SRGAP1: variants seen among roughly 807,000 people sequenced by gnomAD.
SRGAP1 encodes SLIT-ROBO Rho GTPase activating protein 1.
Under a neutral mutation model 121.9 loss-of-function variants are expected in SRGAP1, and 43 were observed. The observed-to-expected ratio is 0.35, with a 90% CI of 0.28 to 0.46. The LOEUF is 0.46. Ranked by LOEUF, SRGAP1 falls within the 20% of genes least tolerant of loss-of-function variation. SRGAP1 has a pLI of 1.00. For missense variants in SRGAP1, 1,102 were observed against 1,350.9 expected, an observed-to-expected ratio of 0.82 and a Z score of 2.89; for synonymous variants, 447 against 485.4, an observed-to-expected ratio of 0.92 and a Z score of 1.04.
chr12:63,846,288 A>T (rs1454091776), intron 1 of SRGAP1, among the ~76,000 whole-genome samples: 1 of 152,156 alleles, frequency 6.6e-6, no homozygotes, highest in Non-Finnish European at 1.5e-5. Context: ...AATGAGACTA[A>T]CCTTTCTTTT....
chr12:63,937,127 A>G (rs1362916277), intron 1 of SRGAP1, among the ~76,000 whole-genome samples: 2 of 152,202 alleles, frequency 1.3e-5, no homozygotes, highest in African/African-American at 2.4e-5. Context: ...CATTTGGCAC[A>G]TGAATCTCAT....
intron 4 of SRGAP1, among the ~76,000 whole-genome samples, chr12:64,018,589 A>G (rs967360423): frequency 6.6e-6 from 1 of 152,180 alleles, no homozygotes; most frequent in African/African-American, 2.4e-5. Context: ...TGAACTTTCT[A>G]GTTTTTTACT....
At chr12:63,858,722 T>C (rs1398609025) in intron 1 of SRGAP1, among the ~76,000 whole-genome samples, 2 of 152,236 alleles carry the variant, frequency 1.3e-5, no homozygotes, top group African/African-American at 4.8e-5. Flanking sequence ...TTTCTTTTTT[T>C]GAGATGGAGT....
At chr12:63,969,300 A>G (rs2032871264) in intron 1 of SRGAP1, among the ~76,000 whole-genome samples, 1 of 151,966 alleles carries the variant, frequency 6.6e-6, no homozygotes, top group Non-Finnish European at 1.5e-5. Context: ...TTACATATTC[A>G]TGACTGATTT....
chr12:64,061,417 A>G (rs2035448114), intron 6 of SRGAP1, among the ~76,000 whole-genome samples: 2 of 152,220 alleles, frequency 1.3e-5, no homozygotes, highest in African/African-American at 2.4e-5. Flanking sequence ...TGTATTTGCA[A>G]CCTACACAGA....
intron 15 of SRGAP1, among the ~76,000 whole-genome samples, chr12:64,105,858 A>G (rs2036336808): frequency 6.6e-6 from 1 of 152,228 alleles, no homozygotes; most frequent in South Asian, 2.1e-4. Flanking sequence ...TAGCCTCCAG[A>G]GTGACTTGCT....
At chr12:63,960,893 A>C (rs779878207) in intron 1 of SRGAP1, among the ~76,000 whole-genome samples, 20 of 152,316 alleles carry the variant, frequency 1.3e-4, no homozygotes, top group Middle Eastern at 3.4e-3. Flanking sequence ...AACAGCCTCC[A>C]GAAGTCGCTA....
chr12:64,014,129 T>C (rs1184847234), intron 3 of SRGAP1, among the ~76,000 whole-genome samples: 3 of 152,216 alleles, frequency 2.0e-5, no homozygotes, highest in Non-Finnish European at 2.9e-5. Flanking sequence ...CCTTATGAGA[T>C]AAGTACAATG....
intron 21 of SRGAP1, among the ~76,000 whole-genome samples, chr12:64,134,639 C>T (rs1190694928): frequency 6.6e-6 from 1 of 152,040 alleles, no homozygotes; most frequent in Non-Finnish European, 1.5e-5. Context: ...TCTTTCAATC[C>T]ATATTTCAGT....
intron 6 of SRGAP1, among the ~76,000 whole-genome samples, chr12:64,044,622 A>T (rs150809303): frequency 2.0e-3 from 298 of 148,218 alleles, no homozygotes; most frequent in African/African-American, 6.5e-3. Context: ...TCTACAAAAG[A>T]ATTGTTGAGG....
At position 64,160,807 on chromosome 12, in the gene SRGAP1, G is replaced by A. The variant is rs568918580; in HGVS notation, c.*18135G>A. The A allele has an allele frequency of 6.6e-6, 1 of 152,170 alleles. No homozygotes were observed. Among genetic ancestry groups the A allele is most frequent in the African/African-American group, 2.4e-5 (1 of 41,442 alleles). The allele number at this position is 152,170 out of a possible 1,614,324, so 9.4% of individuals were successfully genotyped here. On this transcript the variant is annotated 3_prime_UTR_variant, in exon 22 of 22. Coordinates refer to ENST00000355086, the MANE Select transcript of SRGAP1 (RefSeq NM_020762.4). ...AAACAGCATGAAAAGGCAGAGCCAA[G>A]GAGAGATCGACAAACAAGAAGGATT... is the stretch of plus-strand genomic sequence containing the variant.
At position 64,030,835 on chromosome 12, in the gene SRGAP1, G is replaced by T. The variant is rs75847767; in HGVS notation, c.490-11955G>T. On this transcript the variant is annotated intron_variant, in intron 4 of 21. Coordinates refer to ENST00000355086, the MANE Select transcript of SRGAP1 (RefSeq NM_020762.4). ...GTGCTAGACAGACTATAGGGGCATTGTTCATTTCTAGATATAATTTCTGTT... is the reference window on the plus strand; with the variant it reads ...GTGCTAGACAGACTATAGGGGCATTTTTCATTTCTAGATATAATTTCTGTT... 5.4e-4 allele frequency among the ~76,000 whole-genome samples: 82 copies of T among 152,284 alleles called. 1 individual carries two copies. The East Asian group carries it at 0.014, about 27-fold the overall frequency.
intron 1 of SRGAP1, among the ~76,000 whole-genome samples, chr12:63,962,009 A>G (rs1565971675): frequency 6.6e-6 from 1 of 152,170 alleles, no homozygotes; most frequent in Non-Finnish European, 1.5e-5. Flanking sequence ...CTCCAGTTTT[A>G]TCACTGATCT....
intron 1 of SRGAP1, among the ~76,000 whole-genome samples, chr12:63,870,944 TTTTA>T (rs1899831881): frequency 1.3e-5 from 2 of 152,166 alleles, no homozygotes; most frequent in Non-Finnish European, 2.9e-5. Flanking sequence ...CTTCTCTTGA[TTTTA>T]TTTAAGTGTT....
intron 4 of SRGAP1, among the ~76,000 whole-genome samples, chr12:64,041,433 G>A (rs886934383): frequency 1.1e-4 from 16 of 151,640 alleles, no homozygotes; most frequent in African/African-American, 2.9e-4. Flanking sequence ...CACCCAGGCT[G>A]GAGTGCAGTG....
chr12:63,918,283 G>A (rs886759475), intron 1 of SRGAP1, among the ~76,000 whole-genome samples: 1 of 152,108 alleles, frequency 6.6e-6, no homozygotes, highest in Non-Finnish European at 1.5e-5. Context: ...CTGTTTTAGA[G>A]ATGAGAAAAC....
chr12:64,112,543 A>G (rs1044794128), intron 17 of SRGAP1, among the ~76,000 whole-genome samples: 26 of 152,308 alleles, frequency 1.7e-4, no homozygotes, highest in African/African-American at 5.1e-4. Flanking sequence ...ATTGCCTCCC[A>G]TTGCTGCAAA....
intron 1 of SRGAP1, among the ~76,000 whole-genome samples, chr12:63,859,152 CCTTTT>C (rs1899356844): frequency 6.6e-6 from 1 of 152,000 alleles, no homozygotes. Context: ...TTTATTTTTG[CCTTTT>C]CTTGCTGAAT....
rs971668343 is a variant in SRGAP1, at chr12:64,146,123, T to C, written c.*3451T>C. On this transcript the variant is annotated 3_prime_UTR_variant, in exon 22 of 22. Transcript: ENST00000355086. ...TACACATTTTCTAATGGGCGTTACG[T>C]GAACTGTTTGAACCTGCTGAGTGGC... is the stretch of plus-strand genomic sequence containing the variant. 2 of 152,186 alleles carry C rather than the reference T, an allele frequency of 1.3e-5. No individual in the cohort carries two copies. The highest frequency in any genetic ancestry group is 4.8e-5 in the African/African-American group (2 of 41,450). The allele number at this position is 152,186 out of a possible 1,614,324, so 9.4% of individuals were successfully genotyped here.
Sources: gnomAD v4.1 joint callset for allele counts (sites outside exome capture counted in the v4.1 genomes callset) on GRCh38, gnomAD v4.1.1 for gene constraint, MANE v1.5 for transcripts, NCBI Gene and HGNC (gene_info 2026-07-23, HGNC 2026-07-21) for gene names.